The following NRG3 variants were observed in gnomAD, a reference collection of about 807,000 sequenced individuals.
The protein encoded by NRG3 is neuregulin 3.
Under a neutral mutation model 66.9 loss-of-function variants are expected in NRG3, and 31 were observed. The observed-to-expected ratio is 0.46, with a 90% CI of 0.35 to 0.63. The LOEUF is 0.63. Ranked by LOEUF, NRG3 falls within the 20% of genes least tolerant of loss-of-function variation. The pLI, the probability that NRG3 is intolerant of heterozygous loss-of-function variation, is 0.00. For missense variants in NRG3, 910 were observed against 878.9 expected, an observed-to-expected ratio of 1.04 and a Z score of -0.45; for synonymous variants, 393 against 359.4, an observed-to-expected ratio of 1.09 and a Z score of -1.06.
intron 1 of NRG3, among the ~76,000 whole-genome samples, chr10:82,210,296 T>C (rs1365537610): frequency 6.6e-6 from 1 of 152,194 alleles, no homozygotes; most frequent in African/African-American, 2.4e-5. Context: ...GGCTCCCATC[T>C]CACAGATATT....
chr10:82,564,559 C>G (rs138003484), intron 2 of NRG3, among the ~76,000 whole-genome samples: 148 of 152,166 alleles, frequency 9.7e-4, no homozygotes, highest in African/African-American at 3.3e-3. Flanking sequence ...AATGGGTAAC[C>G]TTTCAGGCTC....
intron 3 of NRG3, among the ~76,000 whole-genome samples, chr10:82,781,113 A>G (rs998410505): frequency 2.6e-5 from 4 of 152,140 alleles, no homozygotes; most frequent in African/African-American, 9.7e-5. Context: ...ATGTTGAGGC[A>G]CAGTGTTTTC....
chr10:82,810,714 G>T (rs1404916249), intron 3 of NRG3, among the ~76,000 whole-genome samples: 1 of 132,174 alleles, frequency 7.6e-6, no homozygotes, highest in Non-Finnish European at 1.6e-5. Context: ...GGTGAGCCAA[G>T]ATCGCACCAC....
At chr10:82,302,312 A>G (rs2080450039) in intron 1 of NRG3, among the ~76,000 whole-genome samples, 1 of 152,122 alleles carries the variant, frequency 6.6e-6, no homozygotes, top group Non-Finnish European at 1.5e-5. Flanking sequence ...TTTATATTAA[A>G]GTTAATTACA....
intron 2 of NRG3, among the ~76,000 whole-genome samples, chr10:82,527,709 G>A (rs935089336): frequency 6.6e-6 from 1 of 152,132 alleles, no homozygotes; most frequent in African/African-American, 2.4e-5. Flanking sequence ...AGGTCATTAT[G>A]CTATCTCCTA....
intron 1 of NRG3, among the ~76,000 whole-genome samples, chr10:82,134,414 C>G (rs1178127833): frequency 6.6e-6 from 1 of 152,102 alleles, no homozygotes; most frequent in Non-Finnish European, 1.5e-5. Context: ...CACCTTTAAT[C>G]CATCTTGAAT....
At chr10:82,437,944 C>T (rs1386959812) in intron 2 of NRG3, among the ~76,000 whole-genome samples, 1 of 152,144 alleles carries the variant, frequency 6.6e-6, no homozygotes, top group Non-Finnish European at 1.5e-5. Flanking sequence ...GGACCTCTGA[C>T]CTCGAGGGGC....
chr10:82,194,940 C>G (rs938616674), intron 1 of NRG3, among the ~76,000 whole-genome samples: 3 of 152,138 alleles, frequency 2.0e-5, no homozygotes, highest in Non-Finnish European at 2.9e-5. Context: ...AACTTCCTCT[C>G]TCCCTTTCCT....
At chr10:82,926,604 G>T (rs1040937031) in intron 4 of NRG3, among the ~76,000 whole-genome samples, 8 of 152,128 alleles carry the variant, frequency 5.3e-5, no homozygotes, top group African/African-American at 1.9e-4. Flanking sequence ...GTAATGCCGG[G>T]TAATTACTTC....
chr10:82,346,586 A>C (rs2083038196), intron 1 of NRG3, among the ~76,000 whole-genome samples: 1 of 152,052 alleles, frequency 6.6e-6, no homozygotes, highest in South Asian at 2.1e-4. Flanking sequence ...TCATAAAACG[A>C]GTTAGGGAGG....
At chr10:82,452,483 T>C (rs546531545) in intron 2 of NRG3, among the ~76,000 whole-genome samples, 1 of 152,242 alleles carries the variant, frequency 6.6e-6, no homozygotes, top group Non-Finnish European at 1.5e-5. Flanking sequence ...GTAGTTTGCA[T>C]TACAAGTTGA....
intron 2 of NRG3, among the ~76,000 whole-genome samples, chr10:82,720,805 TTATACATATATA>T (rs2057254287): frequency 3.1e-5 from 2 of 63,504 alleles, no homozygotes; most frequent in African/African-American, 1.5e-4. Flanking sequence ...TAGGAGTATT[TTATACATATATA>T]TATATATATA....
chr10:81,966,016 T>G lies in NRG3; in HGVS notation c.823+89853T>G, dbSNP rs113469095. Among the ~76,000 whole-genome samples, 601 of 152,140 alleles carry G rather than the reference T, an allele frequency of 4.0e-3. 2 individuals are homozygous for G. The highest frequency in any genetic ancestry group is 0.014 in the African/African-American group (563 of 41,562). Reference sequence around the variant, plus strand: ...TCTGAACATTTAGTATAATGTATACTTTACCTTGGTGATGGATAACTTTTA... The same window carrying G: ...TCTGAACATTTAGTATAATGTATACGTTACCTTGGTGATGGATAACTTTTA... On this transcript the variant is annotated intron_variant, in intron 1 of 8. Coordinates refer to ENST00000372141, the MANE Select transcript of NRG3 (RefSeq NM_001010848.4).
chr10:82,352,904 A>G (rs943339136), intron 1 of NRG3, among the ~76,000 whole-genome samples: 3 of 147,400 alleles, frequency 2.0e-5, no homozygotes, highest in African/African-American at 5.0e-5. Context: ...TTTTTTGCAT[A>G]TATTATGGAA....
chr10:82,604,213 C>A (rs547287044), intron 2 of NRG3, among the ~76,000 whole-genome samples: 125 of 152,256 alleles, frequency 8.2e-4, no homozygotes, highest in Middle Eastern at 3.4e-3. Flanking sequence ...CTCCTTCCCC[C>A]TGAACCCTTG....
chr10:82,161,588 A>T (rs1176405519), intron 1 of NRG3, among the ~76,000 whole-genome samples: 1 of 152,064 alleles, frequency 6.6e-6, no homozygotes, highest in East Asian at 1.9e-4. Flanking sequence ...GGATAAGTGA[A>T]TTTTATATTA....
intron 1 of NRG3, among the ~76,000 whole-genome samples, chr10:81,982,420 C>T (rs1264150766): frequency 6.6e-6 from 1 of 152,244 alleles, no homozygotes; most frequent in African/African-American, 2.4e-5. Flanking sequence ...CTCACAGCCT[C>T]TACTCATTAC....
intron 6 of NRG3, among the ~76,000 whole-genome samples, chr10:82,965,041 G>T (rs1851074185): frequency 6.6e-6 from 1 of 152,176 alleles, no homozygotes; most frequent in Admixed American, 6.5e-5. Flanking sequence ...GGCACTTTCA[G>T]GGGGGCCAGT....
intron 2 of NRG3, among the ~76,000 whole-genome samples, chr10:82,701,235 C>T (rs764088854): frequency 1.3e-5 from 2 of 152,122 alleles, no homozygotes; most frequent in Non-Finnish European, 2.9e-5. Flanking sequence ...CTTCCCTTGT[C>T]GGTTTCTTGT....
Sources: gnomAD v4.1 joint callset for allele counts (sites outside exome capture counted in the v4.1 genomes callset) on GRCh38, gnomAD v4.1.1 for gene constraint, MANE v1.5 for transcripts, NCBI Gene and HGNC (gene_info 2026-07-23, HGNC 2026-07-21) for gene names.